Variants in EBF3 observed in about 807,000 individuals in gnomAD.
EBF3 encodes the protein EBF transcription factor 3.
A neutral mutation model predicts 77.1 loss-of-function variants in EBF3; 18 were observed. The ratio of observed to expected loss-of-function variants is 0.23; its 90% CI spans 0.16 to 0.35. The LOEUF is 0.35. Among genes scored for constraint, EBF3 ranks in the 10% least tolerant of loss-of-function variants. The probability of loss-of-function intolerance (pLI) is 1.00; values close to 1 mark genes in which losing one functional copy is unlikely to be tolerated. For synonymous variants in EBF3, 350 were observed against 343.5 expected (o/e 1.02, Z -0.21); for missense variants, 558 against 860.0 (o/e 0.65, Z 4.39).
At position 129,835,316 on chromosome 10, in the gene EBF3, A is replaced by G. The variant is rs1333471500; in HGVS notation, c.*2627T>C. 2 of 152,650 alleles carry G rather than the reference A, an allele frequency of 1.3e-5. No individual in the cohort carries two copies. The highest frequency in any genetic ancestry group is 2.4e-5 in the African/African-American group (1 of 41,466). The allele number at this position is 152,650 out of a possible 1,614,324, so 9.5% of individuals were successfully genotyped here. A position where few individuals can be genotyped will look rare whatever the true frequency, so the allele number is the denominator to read the frequency against. ...CAGACAAGAAATACTTTAATTAAAT[A>G]TTGTGTAAAATGAACATTTTTATAC... On this transcript the variant is annotated 3_prime_UTR_variant, in exon 17 of 17. Transcript: ENST00000440978.
Position 129,839,121 on chromosome 10 carries a change from G to T in EBF3, c.1834C>A (p.His612Asn). ...WPFCEVGGIF[H>N]FDELMLKKGT... ...TTTTTGAGCATTAGTTCATCAAAGT[G>T]AAATATGCCACCGACTTCACAAAAG... The change falls in exon 16 of 17, where the codon CAC becomes AAC. Residue 612 changes from histidine to asparagine, a missense_variant. His to Asn is a moderately conservative substitution (Grantham distance 68). This residue lies in a region of EBF3 where 284 missense variants were observed against 368.3 expected (regional missense o/e 0.77). Coordinates refer to ENST00000440978, the MANE Select transcript of EBF3 (RefSeq NM_001375380.1). 1.1e-5 allele frequency: 15 copies of T among 1,304,492 alleles called. No homozygotes were observed. The highest frequency in any genetic ancestry group is 1.5e-5 in the Non-Finnish European group (15 of 989,006). 80.8% of individuals were successfully genotyped at this position (1,304,492 alleles called of 1,614,324 possible).
At chr10:129,922,949 C>A (rs902693983) in intron 6 of EBF3, among the ~76,000 whole-genome samples, 7 of 152,216 alleles carry the variant, frequency 4.6e-5, no homozygotes, top group Admixed American at 2.0e-4. Context: ...AGCACCCAGA[C>A]CTTCCCCATC....
At chr10:129,856,595 C>G (rs1197332024) in intron 10 of EBF3, among the ~76,000 whole-genome samples, 1 of 152,100 alleles carries the variant, frequency 6.6e-6, no homozygotes, top group African/African-American at 2.4e-5. Context: ...AAAGGAAAAC[C>G]AAGGCACAGG....
chr10:129,871,062 G>A (rs1852371569), intron 8 of EBF3, among the ~76,000 whole-genome samples: 1 of 152,170 alleles, frequency 6.6e-6, no homozygotes, highest in Non-Finnish European at 1.5e-5. Context: ...ACCTCTCCTA[G>A]GGCCATCTGT....
intron 6 of EBF3, among the ~76,000 whole-genome samples, chr10:129,954,848 A>G (rs1858926853): frequency 6.6e-6 from 1 of 152,206 alleles, no homozygotes. Context: ...GGGACATTTT[A>G]TTCTGCAATA....
chr10:129,916,732 C>A (rs566806726), intron 6 of EBF3, among the ~76,000 whole-genome samples: 1 of 152,322 alleles, frequency 6.6e-6, no homozygotes, highest in South Asian at 2.1e-4. Context: ...GGACCCTTCG[C>A]TGAGGCCATT....
At chr10:129,950,040 G>C (rs1858547459) in intron 6 of EBF3, among the ~76,000 whole-genome samples, 1 of 149,088 alleles carries the variant, frequency 6.7e-6, no homozygotes, top group Middle Eastern at 3.6e-3. Context: ...AGGGAGGGGA[G>C]GGGGGCGGAG....
At chr10:129,910,153 G>A (rs1855428547) in intron 6 of EBF3, among the ~76,000 whole-genome samples, 1 of 152,204 alleles carries the variant, frequency 6.6e-6, no homozygotes, top group Non-Finnish European at 1.5e-5. Context: ...GGGCCATGTG[G>A]GGCAGACACC....
chr10:129,892,271 C>T (rs1341904895), intron 6 of EBF3, among the ~76,000 whole-genome samples: 1 of 152,248 alleles, frequency 6.6e-6, no homozygotes, highest in African/African-American at 2.4e-5. Context: ...CCCAAGGAAA[C>T]AGGAGAGGGG....
rs1014523738 is a variant in EBF3 at position 129,895,569 on chromosome 10, G to T, written c.555-17720C>A. ...AATGAGTATCAGTATGTCATCAGGG[G>T]ACAAAGGAGTGAATCCATACTCTCA... On this transcript the variant is annotated intron_variant, in intron 6 of 16. Transcript: ENST00000440978. Among the ~76,000 whole-genome samples, 4 of 152,286 alleles carry T rather than the reference G, an allele frequency of 2.6e-5. No individual in the cohort carries two copies. In the East Asian group the frequency reaches 7.7e-4, roughly 29 times the overall value.
rs200571215 is a variant in EBF3 at position 129,876,819 on chromosome 10, C to CA, written c.636+948dup. Among the ~76,000 whole-genome samples, 1,217 of 139,166 alleles carry CA rather than the reference C, an allele frequency of 8.7e-3. 22 individuals carry two copies. Among genetic ancestry groups the CA allele is most frequent in the African/African-American group, 0.031 (1,169 of 37,704 alleles). The allele number at this position is 139,166 out of a possible 152,430, so 91.3% of individuals were successfully genotyped here. A position where few individuals can be genotyped will look rare whatever the true frequency, so the allele number is the denominator to read the frequency against. On this transcript the variant is annotated intron_variant, in intron 7 of 16. Transcript: ENST00000440978. ...CCTGAATTAGCTTCCTAATCATTCA[C>CA]AAAAAAGGCAAGAAAAATATGAATC...
Position 129,964,154 on chromosome 10 carries a change from AAT to A in EBF3, c.-388_-387del. 1 of 984,848 alleles carries A rather than the reference AAT, an allele frequency of 1.0e-6. No homozygotes were observed. Among genetic ancestry groups the A allele is most frequent in the South Asian group, 4.7e-5 (1 of 21,284 alleles). The allele number at this position is 984,848 out of a possible 1,614,324, so 61.0% of individuals were successfully genotyped here. A position where few individuals can be genotyped will look rare whatever the true frequency, so the allele number is the denominator to read the frequency against. ...GCGCGGCCCGCCTGCTCCAAAGACA[AAT>A]AAACGGGGCAGTGAGTGCTGCGGCG... On this transcript the variant is annotated 5_prime_UTR_variant, in exon 1 of 17. Coordinates refer to ENST00000440978, the MANE Select transcript of EBF3 (RefSeq NM_001375380.1). The surrounding 1 kb of genome is among the most constrained non-coding windows in gnomAD (Gnocchi z 4.5).
intron 9 of EBF3, 36 bp downstream of exon 9, chr10:129,867,746 G>C: frequency 1.9e-6 from 3 of 1,610,628 alleles, no homozygotes; most frequent in Non-Finnish European, 2.5e-6. Flanking sequence ...CATGAAGACA[G>C]CAACAGCGCG....
At chr10:129,924,430 C>CAAAAAAAAAAAAAACAAAAAAAAAA (rs1856514493) in intron 6 of EBF3, among the ~76,000 whole-genome samples, 1 of 108,454 alleles carries the variant, frequency 9.2e-6, no homozygotes. Context: ...ACAACAACAA[C>CAAAAAAAAAAAAAACAAAAAAAAAA]AAAAAAAAAA....
intron 6 of EBF3, among the ~76,000 whole-genome samples, chr10:129,906,281 C>T (rs1231495612): frequency 6.6e-6 from 1 of 152,198 alleles, no homozygotes; most frequent in Non-Finnish European, 1.5e-5. Flanking sequence ...GAAGAGCTCT[C>T]TTTCAATAAT....
At chr10:129,874,140 G>A (rs1852593185) in intron 7 of EBF3, among the ~76,000 whole-genome samples, 2 of 152,198 alleles carry the variant, frequency 1.3e-5, no homozygotes, top group Non-Finnish European at 2.9e-5. Context: ...GTCTGGTAAT[G>A]AACTTTTTTT....
chr10:129,942,816 A>G (rs1325925637), intron 6 of EBF3, among the ~76,000 whole-genome samples: 1 of 152,202 alleles, frequency 6.6e-6, no homozygotes, highest in Non-Finnish European at 1.5e-5. Context: ...TTTAAAAACC[A>G]GGACAGACTC....
rs1857913093 is a variant in EBF3 at position 129,943,226 on chromosome 10, G to A, written c.554+14032C>T. Among the ~76,000 whole-genome samples the A allele has an allele frequency of 3.3e-5, 5 of 152,136 alleles. No individual in the cohort carries two copies. The highest frequency in any genetic ancestry group is 1.3e-4 in the Admixed American group (2 of 15,280). On this transcript the variant is annotated intron_variant, in intron 6 of 16. Transcript: ENST00000440978. The surrounding 1 kb of genome is among the most constrained non-coding windows in gnomAD (Gnocchi z 8.8). Reference sequence around the variant, plus strand: ...CTGACCCGGCCTTCCCAGTTGGAGGGGATTTCAGCGGCTCTCCACAAACAA... The same window carrying A: ...CTGACCCGGCCTTCCCAGTTGGAGGAGATTTCAGCGGCTCTCCACAAACAA...
At position 129,842,305 on chromosome 10, in the gene EBF3, G is replaced by C; in HGVS notation, c.1195-12C>G. 1.9e-6 allele frequency: 3 copies of C among 1,567,080 alleles called. No individual in the cohort carries two copies. The highest frequency in any genetic ancestry group is 2.6e-6 in the Non-Finnish European group (3 of 1,154,824). On this transcript the variant is annotated splice_polypyrimidine_tract_variant and intron_variant, in intron 12 of 16. Transcript: ENST00000440978. The surrounding 1 kb of genome is among the most constrained non-coding windows in gnomAD (Gnocchi z 4.4). ...TTCAAGATGATCTCCTGCAGCAGGAGCAAGTGGGAGCCGGCCTGTCACCCC... is the reference window on the plus strand; with the variant it reads ...TTCAAGATGATCTCCTGCAGCAGGACCAAGTGGGAGCCGGCCTGTCACCCC...
Sources: gnomAD v4.1 joint callset for allele counts (sites outside exome capture counted in the v4.1 genomes callset) on GRCh38, gnomAD v4.1.1 for gene constraint, gnomAD v4.1.1 regional missense constraint, Gnocchi (gnomAD v3.1) non-coding constraint, MANE v1.5 for transcripts, NCBI Gene and HGNC (gene_info 2026-07-23, HGNC 2026-07-21) for gene names.